The following ZFAT variants were observed in gnomAD, a reference collection of about 807,000 sequenced individuals.
ZFAT encodes the protein zinc finger protein ZFAT.
In ZFAT, 64 loss-of-function variants were observed where a neutral mutation model predicts 117.7. That is an observed-to-expected ratio of 0.54 (90% CI 0.44 to 0.67). The LOEUF (loss-of-function observed/expected upper bound fraction) is 0.67, where lower values mean the gene tolerates loss of function less well. Ranked by LOEUF, ZFAT falls within the 30% of genes least tolerant of loss-of-function variation. ZFAT has a pLI of 0.00. For synonymous variants in ZFAT, 679 were observed against 615.0 expected (o/e 1.10, Z -1.54); for missense variants, 1,433 against 1,584.5 (o/e 0.90, Z 1.62).
intron 1 of ZFAT, among the ~76,000 whole-genome samples, chr8:134,693,625 G>A (rs1370629135): frequency 6.6e-6 from 1 of 151,270 alleles, no homozygotes; most frequent in Non-Finnish European, 1.5e-5. Flanking sequence ...ATAAAACGGG[G>A]CGCGGGGGGT....
intron 1 of ZFAT, among the ~76,000 whole-genome samples, chr8:134,661,058 G>A (rs1047478149): frequency 6.6e-6 from 1 of 152,254 alleles, no homozygotes; most frequent in Non-Finnish European, 1.5e-5. Flanking sequence ...CATCACAGAA[G>A]GCTCCGCCAC....
At chr8:134,796,798 A>AAT in the ZFAT span, 2 of 152,138 alleles carry the variant, frequency 1.3e-5, no homozygotes, top group African/African-American at 4.8e-5. Context: ...TTAATAAATA[A>AAT]ATATATATAT....
intron 1 of ZFAT, among the ~76,000 whole-genome samples, chr8:134,702,950 C>T (rs1834055473): frequency 2.0e-5 from 3 of 152,218 alleles, no homozygotes; most frequent in Non-Finnish European, 4.4e-5. Context: ...GGATTATAGG[C>T]GTGAGCCACC....
rs944620507 is a variant in ZFAT at position 134,600,682 on chromosome 8, T to C, written c.2243-14A>G. The C allele has an allele frequency of 1.4e-5, 22 of 1,562,084 alleles. No individual in the cohort carries two copies. Among genetic ancestry groups the C allele is most frequent in the Non-Finnish European group, 1.9e-5 (22 of 1,154,484 alleles). On this transcript the variant is annotated splice_polypyrimidine_tract_variant and intron_variant, in intron 6 of 15. Transcript: ENST00000377838. ...AAAAAAGTTTGCCTAAAAAAATATTTTCACATGAGAACAAGGAAGTTTCAT... is the reference window on the plus strand; with the variant it reads ...AAAAAAGTTTGCCTAAAAAAATATTCTCACATGAGAACAAGGAAGTTTCAT...
the ZFAT span, among the ~76,000 whole-genome samples, chr8:134,759,074 G>A: frequency 6.6e-6 from 1 of 152,320 alleles, no homozygotes; most frequent in South Asian, 2.1e-4. Flanking sequence ...ACTCATGAAA[G>A]TCTTTCTTTA....
At chr8:134,545,537 A>G (rs943305523) in intron 11 of ZFAT, among the ~76,000 whole-genome samples, 1 of 152,206 alleles carries the variant, frequency 6.6e-6, no homozygotes, top group Non-Finnish European at 1.5e-5. Context: ...AGAGATGCAT[A>G]CGTGGTTGGC....
intron 3 of ZFAT, among the ~76,000 whole-genome samples, chr8:134,624,701 C>T (rs1022342571): frequency 6.6e-6 from 1 of 152,194 alleles, no homozygotes; most frequent in Non-Finnish European, 1.5e-5. Context: ...GCCCTACACT[C>T]TTAGTGCAGG....
intron 3 of ZFAT, among the ~76,000 whole-genome samples, chr8:134,612,208 C>T (rs980088090): frequency 1.7e-4 from 26 of 152,234 alleles, no homozygotes; most frequent in African/African-American, 6.3e-4. Flanking sequence ...CCTTTCTCAG[C>T]CATGAGTGTG....
the ZFAT span, among the ~76,000 whole-genome samples, chr8:134,787,671 T>C: frequency 6.6e-6 from 1 of 151,460 alleles, no homozygotes; most frequent in African/African-American, 2.5e-5. Context: ...TCTCGGTCCT[T>C]TGCATTTCTT....
chr8:134,564,741 C>A (rs1586718131), intron 11 of ZFAT, among the ~76,000 whole-genome samples: 1 of 152,222 alleles, frequency 6.6e-6, no homozygotes, highest in African/African-American at 2.4e-5. Context: ...GAACTTTTTA[C>A]TGAACACATT....
rs756860532 is a variant in ZFAT at position 134,512,545 on chromosome 8, G to A, written c.3291C>T (p.Ala1097=). ...PSTQYLHITE[A]EEDVQGTQAA... ...CCTGTGTCCCTTGAACGTCTTCTTC[G>A]GCCTCTGTGATGTGGAGATACTGGG... The change falls in exon 14 of 16, where the codon GCC becomes GCT. Residue 1097 remains alanine (A), a synonymous_variant. Coordinates refer to ENST00000377838, the MANE Select transcript of ZFAT (RefSeq NM_020863.4). The A allele has an allele frequency of 8.7e-6, 14 of 1,613,836 alleles. No homozygotes were observed. The Admixed American group carries it at 1.5e-4, about 17-fold the overall frequency.
intron 1 of ZFAT, among the ~76,000 whole-genome samples, chr8:134,703,758 C>G (rs1002273019): frequency 2.6e-5 from 4 of 152,194 alleles, no homozygotes; most frequent in Non-Finnish European, 5.9e-5. Context: ...CTATCTTATT[C>G]CCCTGCAACT....
rs957911368 is a variant in ZFAT, at chr8:134,601,773, C to T, written c.1946G>A (p.Gly649Asp). The T allele has an allele frequency of 1.6e-5, 26 of 1,613,760 alleles. No homozygotes were observed. The highest frequency in any genetic ancestry group is 2.2e-5 in the Non-Finnish European group (26 of 1,179,940). The part of the protein sequence containing the change: ...QSAGSDQESH[G>D]AQSPLGEGQN... ...CCCTTCCCCTAGGGGGCTCTGGGCGCCATGGCTTTCCTGATCTGACCCAGC... is the reference window on the plus strand; with the variant it reads ...CCCTTCCCCTAGGGGGCTCTGGGCGTCATGGCTTTCCTGATCTGACCCAGC... Residue 649 changes from glycine to aspartate, a missense_variant, in exon 6 of 16, where the codon GGC becomes GAC. Physicochemically the swap from Gly to Asp is moderately conservative, Grantham distance 94. Around this residue, in one of 5 missense-constraint regions of ZFAT, gnomAD observed 372 missense variants for 355.6 expected, o/e 1.05. Coordinates refer to ENST00000377838, the MANE Select transcript of ZFAT (RefSeq NM_020863.4).
At chr8:134,772,949 T>C in the ZFAT span, among the ~76,000 whole-genome samples, 1 of 151,866 alleles carries the variant, frequency 6.6e-6, no homozygotes, top group Admixed American at 6.6e-5. Context: ...AAAACTAGCC[T>C]GGCATAGCAG....
At chr8:134,559,292 ATAAG>A (rs1325664672) in intron 11 of ZFAT, among the ~76,000 whole-genome samples, 3 of 152,218 alleles carry the variant, frequency 2.0e-5, no homozygotes, top group Non-Finnish European at 4.4e-5. Flanking sequence ...GAAAGCAAAC[ATAAG>A]TAAATACAAA....
the ZFAT span, among the ~76,000 whole-genome samples, chr8:134,753,934 T>C: frequency 6.6e-6 from 1 of 152,236 alleles, no homozygotes; most frequent in Non-Finnish European, 1.5e-5. Flanking sequence ...CACAAGGTAA[T>C]CTGGCTGGCC....
At chr8:134,643,316 C>T (rs1232811755) in intron 2 of ZFAT, among the ~76,000 whole-genome samples, 1 of 152,210 alleles carries the variant, frequency 6.6e-6, no homozygotes, top group Non-Finnish European at 1.5e-5. Flanking sequence ...TTGGACAGTT[C>T]AATTAATATC....
chr8:134,496,067 A>G (rs1818413467), intron 15 of ZFAT, among the ~76,000 whole-genome samples: 1 of 152,190 alleles, frequency 6.6e-6, no homozygotes, highest in African/African-American at 2.4e-5. Flanking sequence ...TGAATTCTAC[A>G]TGCACAGTAA....
intron 5 of ZFAT, 123 bp from the exon 6 acceptor site, chr8:134,603,056 T>A: frequency 7.5e-7 from 1 of 1,331,816 alleles, no homozygotes; most frequent in Non-Finnish European, 1.0e-6. Flanking sequence ...AGACGCTGGA[T>A]GGGTGCAGTC....
Sources: gnomAD v4.1 joint callset for allele counts (sites outside exome capture counted in the v4.1 genomes callset) on GRCh38, gnomAD v4.1.1 for gene constraint, gnomAD v4.1.1 regional missense constraint, MANE v1.5 for transcripts, NCBI Gene and HGNC (gene_info 2026-07-23, HGNC 2026-07-21) for gene names.